The following CES5A variants were observed in gnomAD, a reference collection of about 807,000 sequenced individuals.
CES5A encodes the protein carboxylesterase 5A.
Under a neutral mutation model 62.9 loss-of-function variants are expected in CES5A, and 67 were observed. That is an observed-to-expected ratio of 1.07 (90% CI 0.88 to 1.31). The LOEUF is 1.31. Ranked by LOEUF, CES5A falls within the 50% of genes most tolerant of loss-of-function variation. The probability of loss-of-function intolerance (pLI) is 0.00; values close to 1 mark genes in which losing one functional copy is unlikely to be tolerated. For missense variants in CES5A, 748 were observed against 708.5 expected (o/e 1.06, Z -0.63); for synonymous variants, 296 against 280.8 (o/e 1.05, Z -0.54).
chr16:55,896,508 C>T (rs2033936107), intron 1 of CES5A, among the ~76,000 whole-genome samples: 1 of 152,232 alleles, frequency 6.6e-6, no homozygotes, highest in Non-Finnish European at 1.5e-5. Context: ...GAATCATGAG[C>T]CAAATAAACT....
At chr16:55,865,393 G>C (rs11076127) in intron 5 of CES5A, among the ~76,000 whole-genome samples, 21,006 of 152,068 alleles carry the variant, frequency 0.14, 2,751 homozygotes, top group African/African-American at 0.33. Context: ...TCCCAAATGC[G>C]CTAAAGTCAG....
At chr16:55,940,151 A>G (rs1372119764) in intron 2 of CES5A, among the ~76,000 whole-genome samples, 3 of 152,096 alleles carry the variant, frequency 2.0e-5, no homozygotes, top group Admixed American at 6.5e-5. Context: ...GAAGAGTAAA[A>G]CAAAACCAAA....
chr16:55,848,820 A>C (rs145502155), intron 11 of CES5A, among the ~76,000 whole-genome samples: 175 of 152,326 alleles, frequency 1.1e-3, no homozygotes, highest in African/African-American at 4.1e-3. Context: ...AATAACAGTG[A>C]CGTTTATTAG....
intron 2 of CES5A, among the ~76,000 whole-genome samples, chr16:55,873,405 C>G (rs1477034153): frequency 6.6e-6 from 1 of 152,164 alleles, no homozygotes; most frequent in African/African-American, 2.4e-5. Context: ...CTCAATAAAA[C>G]CCTCACCCAG....
upstream of CES5A, among the ~76,000 whole-genome samples, chr16:55,879,252 G>T: frequency 7.6e-6 from 1 of 130,782 alleles, no homozygotes; most frequent in Admixed American, 7.6e-5. Context: ...CCCTACCACT[G>T]TACCCCTAAC....
At chr16:55,953,760 G>T (rs2034581562) in intron 1 of CES5A, among the ~76,000 whole-genome samples, 1 of 151,830 alleles carries the variant, frequency 6.6e-6, no homozygotes, top group Admixed American at 6.6e-5. Flanking sequence ...AATTATTATG[G>T]GACATAGTAG....
At chr16:55,867,116 C>G (rs555862684) in intron 4 of CES5A, among the ~76,000 whole-genome samples, 2 of 152,296 alleles carry the variant, frequency 1.3e-5, no homozygotes, top group Admixed American at 1.3e-4. Context: ...GTTTATCCCC[C>G]AACCCCGTGC....
intron 4 of CES5A, among the ~76,000 whole-genome samples, chr16:55,868,577 T>G (rs1269887445): frequency 6.6e-6 from 1 of 152,190 alleles, no homozygotes; most frequent in Non-Finnish European, 1.5e-5. Flanking sequence ...ATTAACCATG[T>G]CCTTCTTGGT....
At position 55,866,114 on chromosome 16, in the gene CES5A, G is replaced by A; in HGVS notation, c.554C>T (p.Thr185Ile). The part of the protein sequence containing the change: ...YRLGIFGFFT[T>I]WDQHAPGNWA... ...GTTCCCCGGAGCATGCTGATCCCAT[G>A]TGCTGAGGACAAGAGGCAGGGTGAG... The change falls in exon 5 of 13, where the codon ACA (threonine) becomes ATA (isoleucine). Residue 185 changes from threonine to isoleucine, a missense_variant and splice_region_variant. Physicochemically the swap from Thr to Ile is moderately conservative, Grantham distance 89 (BLOSUM62 -1). Transcript: ENST00000290567. The A allele has an allele frequency of 2.5e-6, 4 of 1,610,968 alleles. No individual in the cohort carries two copies. The highest frequency in any genetic ancestry group is 3.4e-6 in the Non-Finnish European group (4 of 1,178,124).
chr16:55,916,225 C>G (rs771990289), intron 1 of CES5A, among the ~76,000 whole-genome samples: 1 of 152,072 alleles, frequency 6.6e-6, no homozygotes, highest in African/African-American at 2.4e-5. Flanking sequence ...TCTAAGGTAG[C>G]GATGTTATCT....
chr16:55,859,507 G>C lies in CES5A; in HGVS notation c.1056+40C>G, dbSNP rs4082238. The C allele has an allele frequency of 4.4e-6, 7 of 1,597,470 alleles. No homozygotes were observed. In the African/African-American group the frequency reaches 6.7e-5, roughly 15 times the overall value. On this transcript the variant is annotated intron_variant, in intron 8 of 12. Transcript: ENST00000290567. ...GCTGTTGAAGCCAAAGCTGCATCAC[G>C]GTTTGAGGGAGTGGCAGTATGGACA...
intron 9 of CES5A, among the ~76,000 whole-genome samples, chr16:55,855,557 G>C (rs1388613550): frequency 7.2e-5 from 11 of 152,200 alleles, no homozygotes; most frequent in Non-Finnish European, 5.9e-5. Flanking sequence ...TCAGACTGTA[G>C]GTAGATAATG....
chr16:55,876,008 A>T (rs2033687957), upstream of CES5A, among the ~76,000 whole-genome samples: 1 of 152,044 alleles, frequency 6.6e-6, no homozygotes, highest in Non-Finnish European at 1.5e-5. Flanking sequence ...TTTAACTGCC[A>T]CCTCTTCCGA....
intron 1 of CES5A, among the ~76,000 whole-genome samples, chr16:55,910,717 A>G (rs1188819811): frequency 1.3e-5 from 2 of 152,214 alleles, no homozygotes; most frequent in Admixed American, 6.5e-5. Context: ...AGAGCATGGA[A>G]GTCTATTTCT....
rs1334491266 is a variant in CES5A at position 55,864,929 on chromosome 16, G to A, written c.705+1034C>T. Among the ~76,000 whole-genome samples the A allele has an allele frequency of 5.1e-5, 7 of 136,940 alleles. No individual in the cohort carries two copies. The South Asian group carries it at 9.5e-4, about 18-fold the overall frequency. 89.8% of individuals were successfully genotyped at this position (136,940 alleles called of 152,430 possible). A position where few individuals can be genotyped will look rare whatever the true frequency, so the allele number is the denominator to read the frequency against. ...TCTCAAAAAAAATATTGCTGTCACC[G>A]GACACGGTGGCTCACGCCTGTAATC... On this transcript the variant is annotated intron_variant, in intron 5 of 12. Coordinates refer to ENST00000290567, the MANE Select transcript of CES5A (RefSeq NM_001143685.2).
chr16:55,878,261 G>A (rs2033718955), upstream of CES5A, among the ~76,000 whole-genome samples: 1 of 152,040 alleles, frequency 6.6e-6, no homozygotes, highest in Admixed American at 6.5e-5. Context: ...TTCTCATAAA[G>A]GGAGGCTAAA....
At chr16:55,908,541 G>A (rs1339971037) in intron 1 of CES5A, among the ~76,000 whole-genome samples, 5 of 151,964 alleles carry the variant, frequency 3.3e-5, no homozygotes, top group Admixed American at 2.0e-4. Context: ...TGTATTTTTC[G>A]TAGAGACAGG....
At chr16:55,858,957 T>C (rs1212186056) in intron 8 of CES5A, among the ~76,000 whole-genome samples, 2 of 152,170 alleles carry the variant, frequency 1.3e-5, no homozygotes, top group Non-Finnish European at 2.9e-5. Flanking sequence ...TTCATATATC[T>C]ATCACTCTCT....
chr16:55,932,457 TA>T (rs1190732073), intron 2 of CES5A, among the ~76,000 whole-genome samples: 4 of 150,890 alleles, frequency 2.7e-5, no homozygotes, highest in Non-Finnish European at 5.9e-5. Flanking sequence ...AGACAAAGAG[TA>T]AATATGTTAG....
Sources: gnomAD v4.1 joint callset for allele counts (sites outside exome capture counted in the v4.1 genomes callset) on GRCh38, gnomAD v4.1.1 for gene constraint, MANE v1.5 for transcripts, NCBI Gene and HGNC (gene_info 2026-07-23, HGNC 2026-07-21) for gene names.